Variants in EYS observed in about 807,000 individuals in gnomAD.
The protein encoded by EYS is protein eyes shut homolog.
In EYS, 250 loss-of-function variants were observed where a neutral mutation model predicts 282.1. That is an observed-to-expected ratio of 0.89 (90% confidence interval 0.80 to 0.98). The LOEUF is 0.98. Ranked by LOEUF, EYS falls within the 50% of genes least tolerant of loss-of-function variation. The probability of loss-of-function intolerance (pLI) is 0.00; values close to 1 mark genes in which losing one functional copy is unlikely to be tolerated. For missense variants in EYS, 4,016 were observed against 3,709.0 expected (o/e 1.08, Z -2.15); for synonymous variants, 1,355 against 1,282.9 (o/e 1.06, Z -1.20).
intron 31 of EYS, among the ~76,000 whole-genome samples, chr6:64,087,444 G>T (rs376150698): frequency 7.9e-5 from 12 of 152,122 alleles, no homozygotes; most frequent in African/African-American, 1.9e-4. Flanking sequence ...GACATTTGTT[G>T]TCACCAGGAG....
At chr6:64,250,880 T>C (rs1057018008) in intron 30 of EYS, among the ~76,000 whole-genome samples, 1 of 152,188 alleles carries the variant, frequency 6.6e-6, no homozygotes, top group Non-Finnish European at 1.5e-5. Flanking sequence ...TTTTCTTTTA[T>C]GCAAATCCTG....
intron 28 of EYS, among the ~76,000 whole-genome samples, chr6:64,422,394 T>A (rs996438250): frequency 1.3e-5 from 2 of 152,198 alleles, no homozygotes; most frequent in African/African-American, 4.8e-5. Flanking sequence ...GCATGTATGT[T>A]CTACTTTGTA....
At chr6:65,027,271 T>A (rs1772450663) in intron 13 of EYS, among the ~76,000 whole-genome samples, 1 of 152,206 alleles carries the variant, frequency 6.6e-6, no homozygotes, top group East Asian at 1.9e-4. Context: ...CATTTAGTGA[T>A]GTCTTAACTT....
chr6:64,741,538 T>C (rs1447219248), intron 22 of EYS, among the ~76,000 whole-genome samples: 1 of 152,206 alleles, frequency 6.6e-6, no homozygotes, highest in Non-Finnish European at 1.5e-5. Context: ...CACTGAATTC[T>C]CTCTATCTGT....
chr6:64,682,345 G>A (rs1219096215), intron 22 of EYS, among the ~76,000 whole-genome samples: 1 of 152,058 alleles, frequency 6.6e-6, no homozygotes, highest in African/African-American at 2.4e-5. Flanking sequence ...TCCAGCCTGG[G>A]AGACAGAGGG....
chr6:63,858,531 T>C (rs892107334), intron 36 of EYS, among the ~76,000 whole-genome samples: 3 of 152,174 alleles, frequency 2.0e-5, no homozygotes, highest in Non-Finnish European at 2.9e-5. Flanking sequence ...GAAAGGCAAC[T>C]TCCCTCAGTT....
chr6:65,481,554 TTTG>T (rs1182197704), intron 5 of EYS, among the ~76,000 whole-genome samples: 2 of 151,980 alleles, frequency 1.3e-5, no homozygotes, highest in African/African-American at 4.8e-5. Context: ...GTTTGTTTTG[TTTG>T]TTTTGTTTTG....
chr6:64,819,057 C>T (rs1039113393), intron 21 of EYS, among the ~76,000 whole-genome samples: 1 of 152,094 alleles, frequency 6.6e-6, no homozygotes, highest in African/African-American at 2.4e-5. Context: ...GTTAGTACTG[C>T]CTATCTTTCT....
intron 1 of EYS, among the ~76,000 whole-genome samples, chr6:65,702,801 G>A (rs1215035147): frequency 6.6e-6 from 1 of 152,030 alleles, no homozygotes; most frequent in Non-Finnish European, 1.5e-5. Flanking sequence ...GTGCCTGTGT[G>A]TGCGTGTGTG....
intron 8 of EYS, among the ~76,000 whole-genome samples, chr6:65,359,385 C>T (rs1764612384): frequency 6.6e-6 from 1 of 151,860 alleles, no homozygotes; most frequent in Non-Finnish European, 1.5e-5. Context: ...TTCCTTAAGG[C>T]TTTTCTATTT....
chr6:63,873,050 C>T (rs896177354), intron 35 of EYS, among the ~76,000 whole-genome samples: 4 of 151,802 alleles, frequency 2.6e-5, no homozygotes, highest in Admixed American at 6.6e-5. Context: ...CATGTGCACA[C>T]GTGAAGGTTT....
chr6:64,637,463 G>T (rs1459788099), intron 22 of EYS, among the ~76,000 whole-genome samples: 1 of 70,718 alleles, frequency 1.4e-5, no homozygotes, highest in African/African-American at 5.4e-5. Context: ...GGAGGGGGGA[G>T]GGACAGCATT....
chr6:64,848,904 C>A (rs1323380913), intron 19 of EYS, among the ~76,000 whole-genome samples: 2 of 152,050 alleles, frequency 1.3e-5, no homozygotes, highest in Non-Finnish European at 2.9e-5. Flanking sequence ...TTTCTGTTAT[C>A]AGTCCCATAT....
chr6:64,375,483 T>C (rs148796617), intron 29 of EYS, among the ~76,000 whole-genome samples: 33 of 152,360 alleles, frequency 2.2e-4, no homozygotes, highest in South Asian at 1.2e-3. Context: ...TCGGCTAATA[T>C]ATGTTTGCAT....
At chr6:63,975,294 TC>T (rs1562127009) in intron 35 of EYS, among the ~76,000 whole-genome samples, 1 of 151,978 alleles carries the variant, frequency 6.6e-6, no homozygotes, top group African/African-American at 2.4e-5. Flanking sequence ...TCTTTATGAA[TC>T]CCACGATCAT....
chr6:64,033,827 ACT>A (rs71708335), intron 33 of EYS, among the ~76,000 whole-genome samples: 3,178 of 148,486 alleles, frequency 0.021, 97 homozygotes, highest in African/African-American at 0.064. Flanking sequence ...AAATGAGATT[ACT>A]CTCTCTCTCT....
chr6:65,356,899 T>G (rs1764506818), intron 8 of EYS, among the ~76,000 whole-genome samples: 1 of 152,010 alleles, frequency 6.6e-6, no homozygotes, highest in Non-Finnish European at 1.5e-5. Context: ...GTGAGGATGC[T>G]GACACACACA....
chr6:64,565,651 G>C (rs1031666179), intron 26 of EYS, among the ~76,000 whole-genome samples: 7 of 152,042 alleles, frequency 4.6e-5, no homozygotes, highest in African/African-American at 1.7e-4. Flanking sequence ...TATAAAGTTT[G>C]AGTTGTGTAG....
intron 22 of EYS, among the ~76,000 whole-genome samples, chr6:64,795,480 A>AGTATCAAAT (rs1774327602): frequency 6.6e-6 from 1 of 152,156 alleles, no homozygotes; most frequent in African/African-American, 2.4e-5. Context: ...ATCATGCCAC[A>AGTATCAAAT]TTTTTATGCA....
Sources: gnomAD v4.1 joint callset for allele counts (sites outside exome capture counted in the v4.1 genomes callset) on GRCh38, gnomAD v4.1.1 for gene constraint, MANE v1.5 for transcripts, NCBI Gene and HGNC (gene_info 2026-07-23, HGNC 2026-07-21) for gene names.